ADRM1: variants seen among roughly 807,000 people sequenced by gnomAD.
ADRM1 encodes ADRM1 26S proteasome ubiquitin receptor, also known as proteasomal ubiquitin receptor ADRM1.
In ADRM1, 2 loss-of-function variants were observed where a neutral mutation model predicts 40.1. The ratio of observed to expected loss-of-function variants is 0.05; its 90% CI spans 0.02 to 0.16. The LOEUF (loss-of-function observed/expected upper bound fraction) is 0.16. Ranked by LOEUF, ADRM1 falls within the 10% of genes least tolerant of loss-of-function variation. The pLI, the probability that ADRM1 is intolerant of heterozygous loss-of-function variation, is 1.00. For missense variants in ADRM1, 467 were observed against 552.5 expected (o/e 0.85, Z 1.55); for synonymous variants, 287 against 240.4 (o/e 1.19, Z -1.79).
rs190374676 is a variant in ADRM1 at position 62,303,009 on chromosome 20, G to C, written c.-42G>C. 2 of 152,118 alleles carry C rather than the reference G, an allele frequency of 1.3e-5. No homozygotes were observed. The highest frequency in any genetic ancestry group is 2.4e-5 in the African/African-American group (1 of 41,414). The allele number at this position is 152,118 out of a possible 1,614,324, so 9.4% of individuals were successfully genotyped here. On this transcript the variant is annotated 5_prime_UTR_variant, in exon 1 of 10. Coordinates refer to ENST00000253003, the MANE Select transcript of ADRM1 (RefSeq NM_007002.4). Reference sequence around the variant, plus strand: ...GGCAGGCGCCGAGGAGGAAGAGCGAGCCCGGACGGCGCCTCTCGAACGAGT... The same window carrying C: ...GGCAGGCGCCGAGGAGGAAGAGCGACCCCGGACGGCGCCTCTCGAACGAGT...
intron 5 of ADRM1, among the ~76,000 whole-genome samples, 173 bp from the exon 6 acceptor site, chr20:62,307,198 G>C (rs564154579): frequency 6.6e-5 from 10 of 152,220 alleles, no homozygotes; most frequent in Admixed American, 2.0e-4. Context: ...CCAGAACACA[G>C]CCGCAAGTGT....
chr20:62,303,477 C>G, intron 1 of ADRM1, 91 bp from the exon 2 acceptor site: 1 of 1,326,592 alleles, frequency 7.5e-7, no homozygotes, highest in Non-Finnish European at 1.0e-6. Context: ...GGGCGCAGGC[C>G]CCCTGCTCGC....
intron 4 of ADRM1, 50 bp from the exon 5 acceptor site, chr20:62,306,598 C>G (rs1233076983): frequency 2.6e-6 from 4 of 1,538,366 alleles, no homozygotes; most frequent in Non-Finnish European, 3.5e-6. Context: ...GCGGTGGGGC[C>G]CGCGTGGATC....
At position 62,303,522 on chromosome 20, in the gene ADRM1, A is replaced by G. The variant is rs199616184; in HGVS notation, c.-1-46A>G. ...AGGGGGCGGGAGCTTGCCGGACCGCAGGCGACAGTGACCGCCGCGTCTCAG... is the reference window on the plus strand; with the variant it reads ...AGGGGGCGGGAGCTTGCCGGACCGCGGGCGACAGTGACCGCCGCGTCTCAG... On this transcript the variant is annotated intron_variant, in intron 1 of 9. Coordinates refer to ENST00000253003, the MANE Select transcript of ADRM1 (RefSeq NM_007002.4). 1.0e-5 allele frequency: 16 copies of G among 1,530,288 alleles called. No homozygotes were observed. In the East Asian group the frequency reaches 3.2e-4, roughly 30 times the overall value. The allele number at this position is 1,530,288 out of a possible 1,614,324, so 94.8% of individuals were successfully genotyped here. A position where few individuals can be genotyped will look rare whatever the true frequency, so the allele number is the denominator to read the frequency against.
intron 1 of ADRM1, 74 bp from the exon 2 acceptor site, chr20:62,303,494 C>T (rs1601226027): frequency 1.4e-6 from 2 of 1,460,586 alleles, no homozygotes; most frequent in East Asian, 2.3e-5. Flanking sequence ...TCGCAAACAC[C>T]CCAGGGGGCG....
At chr20:62,304,330 C>T (rs1375426765) in intron 2 of ADRM1, 131 bp from the exon 3 acceptor site, 4 of 691,872 alleles carry the variant, frequency 5.8e-6, no homozygotes, top group Non-Finnish European at 1.0e-5. Context: ...ACCCTGCCAG[C>T]GAGGGGTCTG....
At chr20:62,304,810 T>C (rs899776935) in intron 3 of ADRM1, among the ~76,000 whole-genome samples, 1 of 152,222 alleles carries the variant, frequency 6.6e-6, no homozygotes, top group Non-Finnish European at 1.5e-5. Flanking sequence ...GGTGTGAAAT[T>C]TCCAGGCAGA....
chr20:62,308,836 A>C lies in ADRM1; in HGVS notation c.*75A>C. 3.2e-6 allele frequency: 5 copies of C among 1,554,616 alleles called. No individual in the cohort carries two copies. Among genetic ancestry groups the C allele is most frequent in the Non-Finnish European group, 4.3e-6 (5 of 1,152,918 alleles). On this transcript the variant is annotated 3_prime_UTR_variant, in exon 10 of 10. Transcript: ENST00000253003. ...CCTCACCTCCCACCCACTGATTATT[A>C]ATAAAGTCTTTTCTTTTACCTGCCA...
rs1312643241 is a variant in ADRM1 at position 62,306,690 on chromosome 20, G to C, written c.497G>C (p.Ser166Thr). The change falls in exon 5 of 10, where the codon AGC (serine) becomes ACC (threonine). Residue 166 changes from serine (S) to threonine (T), a missense_variant. Around this residue, in one of 3 missense-constraint regions of ADRM1, gnomAD observed 418 missense variants for 474.6 expected, o/e 0.88. Coordinates refer to ENST00000253003, the MANE Select transcript of ADRM1 (RefSeq NM_007002.4). ...LQSLLGNMSH[S>T]QLMQLIGPAG... ...AGCCTGCTGGGAAACATGAGCCACA[G>C]CCAGCTCATGCAGCTCATCGGACCA... is the stretch of plus-strand genomic sequence containing the variant. 6.2e-7 allele frequency: 1 copy of C among 1,610,562 alleles called. No homozygotes were observed.
chr20:62,305,655 A>G (rs1447205832), intron 3 of ADRM1: 1 of 152,770 alleles, frequency 6.5e-6, no homozygotes, highest in African/African-American at 2.4e-5. Context: ...TGCAGCTTCC[A>G]TAGCCATTCG....
intron 3 of ADRM1, 124 bp from the exon 4 acceptor site, chr20:62,306,073 G>T: frequency 7.4e-7 from 1 of 1,349,088 alleles, no homozygotes. Flanking sequence ...TCAGCATTGT[G>T]TGGCCAGGCA....
At chr20:62,303,544 T>C in intron 1 of ADRM1, 24 bp from the exon 2 acceptor site, 1 of 1,551,266 alleles carries the variant, frequency 6.4e-7, no homozygotes, top group Non-Finnish European at 8.7e-7. Context: ...CCGCCGCGTC[T>C]CAGCGTCCTC....
chr20:62,308,602 C>A, intron 9 of ADRM1, 53 bp from the exon 10 acceptor site: 1 of 1,602,118 alleles, frequency 6.2e-7, no homozygotes, highest in East Asian at 2.2e-5. Flanking sequence ...TCGCTTTGAT[C>A]CCCAGTTCTG....
At position 62,304,423 on chromosome 20, in the gene ADRM1, A is replaced by G. The variant is rs765140112; in HGVS notation, c.214-38A>G. 5 of 1,547,414 alleles carry G rather than the reference A, an allele frequency of 3.2e-6. No individual in the cohort carries two copies. The South Asian group carries it at 5.6e-5, about 17-fold the overall frequency. On this transcript the variant is annotated intron_variant, in intron 2 of 9. Coordinates refer to ENST00000253003, the MANE Select transcript of ADRM1 (RefSeq NM_007002.4). ...TCCTGAGACTGGGCACAGTGATGCCATCTGCGCCACTGACTCTCTCTTCCC... is the reference window on the plus strand; with the variant it reads ...TCCTGAGACTGGGCACAGTGATGCCGTCTGCGCCACTGACTCTCTCTTCCC...
chr20:62,305,762 G>T (rs895297023), intron 3 of ADRM1: 1 of 201,478 alleles, frequency 5.0e-6, no homozygotes, highest in Non-Finnish European at 1.0e-5. Flanking sequence ...GCGTGTGCTC[G>T]ATTGTGAGCG....
Position 62,306,221 on chromosome 20 carries a change from G to C in ADRM1, c.355G>C (p.Glu119Gln), listed in dbSNP as rs1462499483. The change falls in exon 4 of 10, where the codon GAG becomes CAG. Residue 119 changes from glutamate to glutamine, a missense_variant. Glu to Gln is a conservative substitution (Grantham distance 29). Around this residue, in one of 3 missense-constraint regions of ADRM1, gnomAD observed 418 missense variants for 474.6 expected, o/e 0.88. Coordinates refer to ENST00000253003, the MANE Select transcript of ADRM1 (RefSeq NM_007002.4). ...MQEPKTDQDE[E>Q]HCRKVNEYLN... ...GGAACCCAAGACAGACCAGGATGAG[G>C]AGCATTGCCGGAAAGTCAACGAGTA... 1.2e-6 allele frequency: 2 copies of C among 1,613,292 alleles called. No individual in the cohort carries two copies. Among genetic ancestry groups the C allele is most frequent in the Non-Finnish European group, 1.7e-6 (2 of 1,179,912 alleles).
intron 2 of ADRM1, 22 bp from the exon 3 acceptor site, chr20:62,304,439 C>G (rs1474937400): frequency 3.7e-6 from 6 of 1,601,658 alleles, no homozygotes; most frequent in Non-Finnish European, 4.3e-6. Context: ...GCCACTGACT[C>G]TCTCTTCCCC....
At chr20:62,307,574 G>A (rs1240978633) in intron 6 of ADRM1, 22 bp from the exon 7 acceptor site, 1 of 1,606,862 alleles carries the variant, frequency 6.2e-7, no homozygotes, top group East Asian at 2.2e-5. Flanking sequence ...GTCCGCTCCA[G>A]CGGTGCCCTC....
At chr20:62,308,266 C>T in intron 8 of ADRM1, 88 bp downstream of exon 8, 2 of 1,537,368 alleles carry the variant, frequency 1.3e-6, no homozygotes, top group East Asian at 2.3e-5. Context: ...TTCACCATGG[C>T]CAGTGCTTCA....
Sources: gnomAD v4.1 joint callset for allele counts (sites outside exome capture counted in the v4.1 genomes callset) on GRCh38, gnomAD v4.1.1 for gene constraint, gnomAD v4.1.1 regional missense constraint, MANE v1.5 for transcripts, NCBI Gene and HGNC (gene_info 2026-07-23, HGNC 2026-07-21) for gene names.